The following AOX1 variants were observed in gnomAD, a reference collection of about 807,000 sequenced individuals.
AOX1 encodes the protein aldehyde oxidase.
AOX1 carries 153 observed loss-of-function variants against 169.5 expected under a neutral mutation model. The observed-to-expected ratio is 0.90, with a 90% CI of 0.79 to 1.03. The LOEUF is 1.03. Among genes scored for constraint, AOX1 ranks in the 50% least tolerant of loss-of-function variants. The probability of loss-of-function intolerance (pLI) is 0.00; values close to 1 mark genes in which losing one functional copy is unlikely to be tolerated. For missense variants in AOX1, 1,656 were observed against 1,663.9 expected, an observed-to-expected ratio of 1.00 and a Z score of 0.08; for synonymous variants, 562 against 581.9, an observed-to-expected ratio of 0.97 and a Z score of 0.49.
intron 27 of AOX1, among the ~76,000 whole-genome samples, chr2:200,657,165 A>AAAAAATATATAT (rs1179205121): frequency 2.3e-5 from 2 of 88,368 alleles, no homozygotes; most frequent in African/African-American, 1.0e-4. Context: ...CTCTACCAAA[A>AAAAAATATATAT]ATATATATAT....
At position 200,650,970 on chromosome 2, in the gene AOX1, A is replaced by G; in HGVS notation, c.2848-4A>G. 1 of 1,613,748 alleles carries G rather than the reference A, an allele frequency of 6.2e-7. No individual in the cohort carries two copies. The highest frequency in any genetic ancestry group is 8.5e-7 in the Non-Finnish European group (1 of 1,179,724). On this transcript the variant is annotated splice_region_variant and splice_polypyrimidine_tract_variant and intron_variant, in intron 25 of 34. Transcript: ENST00000374700. The stretch of plus-strand genomic sequence containing the variant: ...CCCAGCTTTAATCTCCTTTTCTTTC[A>G]TAGGTGCGAATCATAAACATGTACA...
At chr2:200,672,977 G>A (rs1248738020), downstream of AOX1, among the ~76,000 whole-genome samples, 1 of 152,224 alleles carries the variant, frequency 6.6e-6, no homozygotes, top group Admixed American at 6.5e-5. Context: ...AGAACCTGGA[G>A]GCCGCTATAA....
At chr2:200,657,190 A>ATATATATATATATATATATTTTTTTT in intron 27 of AOX1, among the ~76,000 whole-genome samples, 13 of 62,880 alleles carry the variant, frequency 2.1e-4, no homozygotes, top group Non-Finnish European at 2.9e-4. Context: ...ATATATATAT[A>ATATATATATATATATATATTTTTTTT]TTTTTTTTTT....
rs543850104 is a variant in AOX1, at chr2:200,645,058, C to T, written c.2847+2257C>T. Among the ~76,000 whole-genome samples, 3 of 152,266 alleles carry T rather than the reference C, an allele frequency of 2.0e-5. 1 individual carries two copies. In the South Asian group the frequency reaches 6.2e-4, roughly 32 times the overall value. On this transcript the variant is annotated intron_variant, in intron 25 of 34. Coordinates refer to ENST00000374700, the MANE Select transcript of AOX1 (RefSeq NM_001159.4). ...TATTTCTTTCTGTTGTCTGATTGCTCTAGCTAGGATTTCCAGTACCATATT... is the reference window on the plus strand; with the variant it reads ...TATTTCTTTCTGTTGTCTGATTGCTTTAGCTAGGATTTCCAGTACCATATT...
chr2:200,586,465 A>T (rs972818256), intron 1 of AOX1, among the ~76,000 whole-genome samples: 1 of 152,202 alleles, frequency 6.6e-6, no homozygotes, highest in Non-Finnish European at 1.5e-5. Flanking sequence ...GATAAAAAGT[A>T]TTCTTGCCCA....
At chr2:200,607,860 C>T (rs906507316) in intron 10 of AOX1, among the ~76,000 whole-genome samples, 4 of 152,166 alleles carry the variant, frequency 2.6e-5, no homozygotes, top group Non-Finnish European at 4.4e-5. Context: ...AGCAAACTAA[C>T]ACAGGAACAG....
intron 1 of AOX1, among the ~76,000 whole-genome samples, chr2:200,587,004 C>T (rs775830850): frequency 6.6e-6 from 1 of 152,138 alleles, no homozygotes; most frequent in East Asian, 1.9e-4. Context: ...AGCTGTGGCT[C>T]ACGCCTGTAA....
At chr2:200,657,186 A>AT (rs1323706482) in intron 27 of AOX1, among the ~76,000 whole-genome samples, 1,061 of 65,590 alleles carry the variant, frequency 0.016, 12 homozygotes, top group East Asian at 0.036. Flanking sequence ...ATATATATAT[A>AT]TATATTTTTT....
intron 21 of AOX1, 90 bp from the exon 22 acceptor site, chr2:200,636,821 G>T: frequency 2.7e-6 from 4 of 1,472,594 alleles, no homozygotes; most frequent in Admixed American, 4.4e-5. Context: ...TTTTGTTGTT[G>T]TTGTTAAAAT....
At chr2:200,679,596 C>T (rs958899751), downstream of AOX1, among the ~76,000 whole-genome samples, 3 of 152,030 alleles carry the variant, frequency 2.0e-5, no homozygotes, top group Non-Finnish European at 2.9e-5. Context: ...TTATTGATTA[C>T]TATTTGAGGC....
In AOX1 at chr2:200,657,574, G is replaced by C. The variant is rs1027000289; in HGVS notation, c.3171+637G>C. Among the ~76,000 whole-genome samples, 98 of 152,134 alleles carry C rather than the reference G, an allele frequency of 6.4e-4. 1 individual carries two copies. The highest frequency in any genetic ancestry group is 2.3e-3 in the African/African-American group (95 of 41,504). ...TAGTGACAGTTGAGTTGTCCTTTCT[G>C]AGTTTTTCTTGGGCAATAAGATAAT... is the stretch of plus-strand genomic sequence containing the variant. On this transcript the variant is annotated intron_variant, in intron 27 of 34. Transcript: ENST00000374700.
intron 24 of AOX1, among the ~76,000 whole-genome samples, chr2:200,642,128 TAAAA>T (rs879652522): frequency 2.7e-5 from 4 of 147,160 alleles, no homozygotes; most frequent in African/African-American, 1.0e-4. Context: ...AAACTCTGTC[TAAAA>T]AAAAAAGAGT....
chr2:200,676,776 G>T (rs868639682), intron 4 of AOX1: 7 of 387,426 alleles, frequency 1.8e-5, no homozygotes, highest in African/African-American at 8.5e-5. Flanking sequence ...AGACAAGAGG[G>T]TTGGGAACAT....
downstream of AOX1, chr2:200,678,323 G>A (rs1049080154): frequency 3.9e-5 from 6 of 152,216 alleles, no homozygotes; most frequent in African/African-American, 1.4e-4. Flanking sequence ...TTATTGAACT[G>A]TGAATGCAAG....
intron 29 of AOX1, among the ~76,000 whole-genome samples, 182 bp from the exon 30 acceptor site, chr2:200,661,397 C>A (rs1490902841): frequency 6.6e-6 from 1 of 152,114 alleles, no homozygotes; most frequent in Admixed American, 6.5e-5. Flanking sequence ...AGGTGCTGAA[C>A]AAACAGCTAC....
chr2:200,650,934 G>A, intron 25 of AOX1, 40 bp from the exon 26 acceptor site: 1 of 1,587,924 alleles, frequency 6.3e-7, no homozygotes, highest in Non-Finnish European at 8.6e-7. Flanking sequence ...TATGTCTGCT[G>A]GGTTTCCCCT....
At chr2:200,630,129 T>A (rs2105733832) in intron 20 of AOX1, among the ~76,000 whole-genome samples, 1 of 149,026 alleles carries the variant, frequency 6.7e-6, no homozygotes, top group Middle Eastern at 3.5e-3. Context: ...ATCCCAGCAC[T>A]TTGTGAGGCT....
chr2:200,676,115 G>A (rs1441309904), downstream of AOX1, among the ~76,000 whole-genome samples: 2 of 151,720 alleles, frequency 1.3e-5, no homozygotes, highest in African/African-American at 4.8e-5. Context: ...CTGGGATAGA[G>A]GATTTTCACT....
intron 18 of AOX1, among the ~76,000 whole-genome samples, chr2:200,623,623 C>T (rs945419632): frequency 2.0e-5 from 3 of 152,244 alleles, no homozygotes; most frequent in Non-Finnish European, 2.9e-5. Flanking sequence ...GCCTGCTGTC[C>T]TCAAGACAGC....
Sources: gnomAD v4.1 joint callset for allele counts (sites outside exome capture counted in the v4.1 genomes callset) on GRCh38, gnomAD v4.1.1 for gene constraint, MANE v1.5 for transcripts, NCBI Gene and HGNC (gene_info 2026-07-23, HGNC 2026-07-21) for gene names.